The following PRELID2 variants were observed in gnomAD, a reference collection of about 807,000 sequenced individuals.
PRELID2 encodes the protein PRELI domain-containing protein 2.
In PRELID2, 25 loss-of-function variants were observed where a neutral mutation model predicts 28.4. That is an observed-to-expected ratio of 0.88 (90% CI 0.64 to 1.23). The LOEUF (loss-of-function observed/expected upper bound fraction) is 1.23, where lower values mean the gene tolerates loss of function less well. PRELID2 is among the 50% of genes most tolerant of loss of function. The probability of loss-of-function intolerance (pLI) is 0.00; values close to 1 mark genes in which losing one functional copy is unlikely to be tolerated. For synonymous variants in PRELID2, 76 were observed against 71.6 expected, an observed-to-expected ratio of 1.06 and a Z score of -0.31; for missense variants, 201 against 214.4, an observed-to-expected ratio of 0.94 and a Z score of 0.39.
the PRELID2 span, among the ~76,000 whole-genome samples, chr5:145,357,573 T>A: frequency 6.6e-6 from 1 of 152,212 alleles, no homozygotes; most frequent in African/African-American, 2.4e-5. Flanking sequence ...TGAAGTGAGT[T>A]GAGTTTCTTA....
At chr5:145,437,910 CAG>C in the PRELID2 span, among the ~76,000 whole-genome samples, 1 of 152,106 alleles carries the variant, frequency 6.6e-6, no homozygotes, top group Non-Finnish European at 1.5e-5. Context: ...TTATGAAAAA[CAG>C]TGCATCTTAG....
chr5:145,352,825 G>A, the PRELID2 span, among the ~76,000 whole-genome samples: 12 of 152,144 alleles, frequency 7.9e-5, no homozygotes, highest in African/African-American at 2.9e-4. Flanking sequence ...GATCTCTAGT[G>A]AAGGGGCAAA....
At chr5:145,394,694 T>C in the PRELID2 span, among the ~76,000 whole-genome samples, 1 of 152,202 alleles carries the variant, frequency 6.6e-6, no homozygotes, top group Non-Finnish European at 1.5e-5. Flanking sequence ...TTAATCCCAT[T>C]TGAACCTGTA....
intron 1 of PRELID2, among the ~76,000 whole-genome samples, chr5:145,544,690 G>A (rs545350248): frequency 1.3e-5 from 2 of 152,048 alleles, no homozygotes; most frequent in South Asian, 2.1e-4. Flanking sequence ...ATTAAATACA[G>A]TTCATTTTAA....
At chr5:145,801,684 T>C (rs1441383743) in intron 4 of PRELID2, among the ~76,000 whole-genome samples, 1 of 152,200 alleles carries the variant, frequency 6.6e-6, no homozygotes, top group East Asian at 1.9e-4. Flanking sequence ...CATATCTTAA[T>C]GTCATGAGGA....
intron 5 of PRELID2, among the ~76,000 whole-genome samples, chr5:145,767,313 C>T (rs973204754): frequency 6.6e-6 from 1 of 152,082 alleles, no homozygotes; most frequent in Admixed American, 6.5e-5. Context: ...GGGACAATCA[C>T]CTTTCTACTC....
the PRELID2 span, among the ~76,000 whole-genome samples, chr5:145,325,789 T>A: frequency 6.6e-6 from 1 of 152,298 alleles, no homozygotes; most frequent in East Asian, 1.9e-4. Flanking sequence ...TTTCTGCTTT[T>A]CTATGTCAAA....
At chr5:145,539,452 A>G (rs1157476946) in intron 1 of PRELID2, among the ~76,000 whole-genome samples, 2 of 151,960 alleles carry the variant, frequency 1.3e-5, no homozygotes, top group Non-Finnish European at 2.9e-5. Flanking sequence ...ACTGCAGGTG[A>G]TTCTTATGCA....
intron 1 of PRELID2, among the ~76,000 whole-genome samples, chr5:145,642,445 T>C (rs1436439145): frequency 6.6e-6 from 1 of 152,234 alleles, no homozygotes; most frequent in Non-Finnish European, 1.5e-5. Flanking sequence ...ATTGCAAAAT[T>C]TTTCTCCCAT....
At chr5:145,711,856 G>A in intron 1 of PRELID2, among the ~76,000 whole-genome samples, 1 of 152,334 alleles carries the variant, frequency 6.6e-6, no homozygotes, top group East Asian at 1.9e-4. Flanking sequence ...GCCAGGGGCA[G>A]GACTGAAGAC....
chr5:145,456,060 A>G, the PRELID2 span, among the ~76,000 whole-genome samples: 1 of 152,192 alleles, frequency 6.6e-6, no homozygotes, highest in East Asian at 1.9e-4. Flanking sequence ...AAGGTTCTGC[A>G]GGGCCTGACC....
At chr5:145,645,324 G>A (rs189545318) in intron 1 of PRELID2, among the ~76,000 whole-genome samples, 180 of 137,696 alleles carry the variant, frequency 1.3e-3, no homozygotes, top group African/African-American at 5.0e-3. Context: ...CAGAGATTAG[G>A]ATTGCAACTC....
chr5:145,520,385 G>A (rs1038161286), intron 1 of PRELID2, among the ~76,000 whole-genome samples: 1 of 152,130 alleles, frequency 6.6e-6, no homozygotes, highest in Admixed American at 6.5e-5. Flanking sequence ...CCTTGCACTT[G>A]CCAAGCTTCC....
chr5:145,396,043 T>C, the PRELID2 span, among the ~76,000 whole-genome samples: 1 of 152,142 alleles, frequency 6.6e-6, no homozygotes, highest in Non-Finnish European at 1.5e-5. Context: ...AAAGCAGAAA[T>C]GATTCTGGAA....
At chr5:145,254,414 A>G in the PRELID2 span, among the ~76,000 whole-genome samples, 1 of 152,112 alleles carries the variant, frequency 6.6e-6, no homozygotes, top group Non-Finnish European at 1.5e-5. Flanking sequence ...TCTGTTCAAA[A>G]CACTACAAGT....
chr5:145,648,456 T>G (rs1048355728), intron 1 of PRELID2, among the ~76,000 whole-genome samples: 13 of 151,660 alleles, frequency 8.6e-5, no homozygotes, highest in Non-Finnish European at 1.5e-5. Flanking sequence ...TTCAAGTTAA[T>G]AGTTATCTTT....
intron 5 of PRELID2, among the ~76,000 whole-genome samples, chr5:145,785,638 A>G (rs1228700060): frequency 4.6e-5 from 7 of 152,200 alleles, no homozygotes; most frequent in African/African-American, 1.4e-4. Context: ...GGAATGTTAA[A>G]ATTGCAAATT....
At chr5:145,364,660 G>A in the PRELID2 span, among the ~76,000 whole-genome samples, 1 of 152,006 alleles carries the variant, frequency 6.6e-6, no homozygotes, top group Admixed American at 6.6e-5. Flanking sequence ...AAGGGGAGAG[G>A]AGTAGCTCCT....
intron 1 of PRELID2, among the ~76,000 whole-genome samples, chr5:145,641,075 C>T (rs1754099146): frequency 6.6e-6 from 1 of 152,072 alleles, no homozygotes; most frequent in Non-Finnish European, 1.5e-5. Context: ...GAGCAATACA[C>T]TTACAATATT....
Sources: gnomAD v4.1 joint callset for allele counts (sites outside exome capture counted in the v4.1 genomes callset) on GRCh38, gnomAD v4.1.1 for gene constraint, MANE v1.5 for transcripts, NCBI Gene and HGNC (gene_info 2026-07-23, HGNC 2026-07-21) for gene names.